MGAM: variants seen among roughly 807,000 people sequenced by gnomAD.
MGAM encodes the protein maltase-glucoamylase.
Under a neutral mutation model 358.8 loss-of-function variants are expected in MGAM, and 253 were observed. The ratio of observed to expected loss-of-function variants is 0.71; its 90% CI spans 0.64 to 0.78. The LOEUF is 0.78. MGAM is among the 30% of genes least tolerant of loss of function. The pLI is 0.00. For missense variants in MGAM, 3,080 were observed against 3,432.6 expected, an observed-to-expected ratio of 0.90 and a Z score of 2.57; for synonymous variants, 1,105 against 1,227.1, an observed-to-expected ratio of 0.90 and a Z score of 2.08.
rs1200526760 is a variant in MGAM at position 142,105,893 on chromosome 7, T to A, written c.*2T>A. 1.2e-5 allele frequency: 19 copies of A among 1,598,770 alleles called. No individual in the cohort carries two copies. The East Asian group carries it at 4.0e-4, about 34-fold the overall frequency. On this transcript the variant is annotated 3_prime_UTR_variant, in exon 71 of 71. Coordinates refer to ENST00000475668, the MANE Select transcript of MGAM (RefSeq NM_001365693.1). Reference sequence around the variant, plus strand: ...TTGACGTGGATAAGCACTCTGTGAATTTTTACAGCAAGATTCTAACTAACT... The same window carrying A: ...TTGACGTGGATAAGCACTCTGTGAAATTTTACAGCAAGATTCTAACTAACT...
At chr7:142,103,517 C>G in intron 70 of MGAM, 78 bp downstream of exon 70, 1 of 1,320,588 alleles carries the variant, frequency 7.6e-7, no homozygotes, top group Non-Finnish European at 1.0e-6. Flanking sequence ...GCTTCCCTTC[C>G]AAATGATGCC....
upstream of MGAM, among the ~76,000 whole-genome samples, chr7:141,991,728 C>A (rs1554447369): frequency 6.6e-6 from 1 of 152,184 alleles, no homozygotes; most frequent in East Asian, 1.9e-4. Flanking sequence ...AGCCACCACA[C>A]CTGGCCGAGA....
chr7:142,050,783 G>A lies in MGAM; in HGVS notation c.2724G>A (p.Glu908=), dbSNP rs1810872866. The part of the protein sequence containing the change: ...AFNEIKILGT[E]EPSNVTVKHN... ...ATGAGATTAAAATTCTTGGGACGGA[G>A]GAACCTAGCAATGTTACAGTGAAAC... The change falls in exon 24 of 71, where the codon GAG becomes GAA. Residue 908 remains glutamate (E), a synonymous_variant. Coordinates refer to ENST00000475668, the MANE Select transcript of MGAM (RefSeq NM_001365693.1). The A allele has an allele frequency of 6.2e-7, 1 of 1,613,718 alleles. No individual in the cohort carries two copies. The highest frequency in any genetic ancestry group is 1.3e-5 in the African/African-American group (1 of 74,902).
At chr7:142,041,915 A>T (rs1808662164) in intron 21 of MGAM, among the ~76,000 whole-genome samples, 1 of 23,574 alleles carries the variant, frequency 4.2e-5, no homozygotes, top group Non-Finnish European at 7.3e-5. Flanking sequence ...TTATATATAT[A>T]CGTATAATAT....
chr7:142,021,025 A>G lies in MGAM; in HGVS notation c.500A>G (p.Asn167Ser), dbSNP rs1474856078. ...NLPSSPVFGS[N>S]VDNVLLTAEY... ...CCTTCTTCACCAGTGTTTGGAAGCA[A>G]TGTTGACAATGTTCTTCTCACAGCA... is the stretch of plus-strand genomic sequence containing the variant. Residue 167 changes from asparagine to serine, a missense_variant, in exon 5 of 71, where the codon AAT becomes AGT. Transcript: ENST00000475668. The G allele has an allele frequency of 8.7e-6, 14 of 1,613,678 alleles. No individual in the cohort carries two copies. Among genetic ancestry groups the G allele is most frequent in the African/African-American group, 8.0e-5 (6 of 75,008 alleles).
chr7:142,088,820 A>G (rs1815061509), intron 57 of MGAM, among the ~76,000 whole-genome samples: 1 of 81,168 alleles, frequency 1.2e-5, no homozygotes, highest in Non-Finnish European at 2.7e-5. Context: ...CTATCTATGT[A>G]CCATCTATCT....
chr7:142,081,781 T>C (rs1585075059), intron 50 of MGAM, among the ~76,000 whole-genome samples: 1 of 145,208 alleles, frequency 6.9e-6, no homozygotes, highest in African/African-American at 2.4e-5. Context: ...TTCCCAGCTG[T>C]GATGGTGAGG....
At chr7:142,057,410 GTGA>G (rs761114433) in intron 30 of MGAM, among the ~76,000 whole-genome samples, 34 of 151,028 alleles carry the variant, frequency 2.3e-4, no homozygotes, top group South Asian at 6.3e-4. Flanking sequence ...GGTAGTGATG[GTGA>G]TGATGATGGT....
chr7:142,045,220 T>C (rs1299758951), intron 21 of MGAM, among the ~76,000 whole-genome samples: 24 of 47,790 alleles, frequency 5.0e-4, no homozygotes, highest in Non-Finnish European at 8.1e-4. Context: ...CATATATGTA[T>C]ATAATATATA....
chr7:142,031,986 T>C (rs1377123537), intron 13 of MGAM, among the ~76,000 whole-genome samples, 193 bp downstream of exon 13: 2 of 151,518 alleles, frequency 1.3e-5, no homozygotes, highest in Admixed American at 6.6e-5. Context: ...AAAATCAAAA[T>C]GTTAGAGCTG....
At chr7:142,056,743 G>A (rs1380758318) in intron 29 of MGAM, 87 bp from the exon 30 acceptor site, 3 of 1,276,314 alleles carry the variant, frequency 2.4e-6, no homozygotes, top group African/African-American at 1.5e-5. Context: ...TAGGGAGGGT[G>A]CAGGAAGATG....
At chr7:142,044,533 A>T (rs1306975277) in intron 21 of MGAM, among the ~76,000 whole-genome samples, 1 of 137,426 alleles carries the variant, frequency 7.3e-6, no homozygotes, top group East Asian at 2.1e-4. Flanking sequence ...TACACTTACG[A>T]TATATGATAT....
At chr7:142,024,970 C>A in intron 7 of MGAM, 80 bp from the exon 8 acceptor site, 1 of 963,612 alleles carries the variant, frequency 1.0e-6, no homozygotes, top group Non-Finnish European at 1.6e-6. Flanking sequence ...ATGATTAAGA[C>A]TGATTTCCTA....
In MGAM at chr7:142,030,653, T is replaced by G; in HGVS notation, c.1366T>G (p.Ser456Ala). Residue 456 changes from serine (S) to alanine (A), a missense_variant, in exon 12 of 71, where the codon TCC (serine) becomes GCC (alanine). Coordinates refer to ENST00000475668, the MANE Select transcript of MGAM (RefSeq NM_001365693.1). ...TTCCTATTTTTAGGATCCAGCCATC[T>G]CCAACAACTCTTCCTCAAGTAAACC... Reference protein sequence around the residue: ...KLVIIVDPAISNNSSSSKPYG... With the variant: ...KLVIIVDPAIANNSSSSKPYG... 2.5e-6 allele frequency: 4 copies of G among 1,612,354 alleles called. No individual in the cohort carries two copies. Among genetic ancestry groups the G allele is most frequent in the Non-Finnish European group, 3.4e-6 (4 of 1,178,446 alleles).
In MGAM at chr7:142,066,833, T is replaced by C. The variant is rs1294563666; in HGVS notation, c.4919+112T>C. The C allele has an allele frequency of 1.6e-6, 2 of 1,268,278 alleles. 1 individual carries two copies. The highest frequency in any genetic ancestry group is 2.2e-6 in the Non-Finnish European group (2 of 905,726). The allele number at this position is 1,268,278 out of a possible 1,614,324, so 78.6% of individuals were successfully genotyped here. ...TTAAAGACATGATGGCCTTTTGACA[T>C]GAGCTCTTCAGACACAAAGTATACC... is the stretch of plus-strand genomic sequence containing the variant. On this transcript the variant is annotated intron_variant, in intron 41 of 70. Coordinates refer to ENST00000475668, the MANE Select transcript of MGAM (RefSeq NM_001365693.1).
rs782680949 is a variant in MGAM, at chr7:142,034,785, G to A, written c.1903G>A (p.Asp635Asn). The A allele has an allele frequency of 3.1e-6, 5 of 1,613,502 alleles. No individual in the cohort carries two copies. The highest frequency in any genetic ancestry group is 4.2e-6 in the Non-Finnish European group (5 of 1,179,578). The change falls in exon 16 of 71, where the codon GAC becomes AAC. Residue 635 changes from aspartate to asparagine, a missense_variant. By Grantham distance (23) the Asp-to-Asn change is conservative. Transcript: ENST00000475668. ...AGGAGACAACACTGCCACCTGGGATGACCTGAGATGGTCCATCCCTGGCGT... is the reference window on the plus strand; with the variant it reads ...AGGAGACAACACTGCCACCTGGGATAACCTGAGATGGTCCATCCCTGGCGT... Reference protein sequence around the residue: ...WLGDNTATWDDLRWSIPGVLE... With the variant: ...WLGDNTATWDNLRWSIPGVLE...
intron 22 of MGAM, 49 bp downstream of exon 22, chr7:142,047,922 C>T: frequency 1.5e-6 from 2 of 1,371,964 alleles, no homozygotes; most frequent in Non-Finnish European, 2.1e-6. Context: ...GCACCTGTGA[C>T]TTATGGTCCT....
rs763044307 is a variant in MGAM, at chr7:142,092,582, C to T, written c.7007C>T (p.Ser2336Phe). The T allele has an allele frequency of 1.4e-5, 22 of 1,545,396 alleles. 3 individuals carry two copies. In the East Asian group the frequency reaches 4.1e-4, roughly 29 times the overall value. ...GAVSPGCRDA[S>F]LNHPPYMPYL... ...GTTTCTCCAGGCTGCAGGGATGCCTCTCTGAACCACCCTCCCTACATGCCG... is the reference window on the plus strand; with the variant it reads ...GTTTCTCCAGGCTGCAGGGATGCCTTTCTGAACCACCCTCCCTACATGCCG... Residue 2336 changes from serine to phenylalanine, a missense_variant, in exon 59 of 71, where the codon TCT becomes TTT. By Grantham distance (155) the Ser-to-Phe change is radical (BLOSUM62 -2). Coordinates refer to ENST00000475668, the MANE Select transcript of MGAM (RefSeq NM_001365693.1).
In MGAM at chr7:142,034,481, A is replaced by G. The variant is rs559358076; in HGVS notation, c.1787+102A>G. 1.5e-4 allele frequency: 155 copies of G among 1,056,546 alleles called. 4 individuals carry two copies. In the South Asian group the frequency reaches 2.5e-3, roughly 17 times the overall value. 65.4% of individuals were successfully genotyped at this position (1,056,546 alleles called of 1,614,324 possible). On this transcript the variant is annotated intron_variant, in intron 15 of 70. Coordinates refer to ENST00000475668, the MANE Select transcript of MGAM (RefSeq NM_001365693.1). ...TGGGGCTAATGCATAAAATTTCTTA[A>G]GACAAAACAAAGCAAAACAAAACAT...
Sources: gnomAD v4.1 joint callset for allele counts (sites outside exome capture counted in the v4.1 genomes callset) on GRCh38, gnomAD v4.1.1 for gene constraint, MANE v1.5 for transcripts, NCBI Gene and HGNC (gene_info 2026-07-23, HGNC 2026-07-21) for gene names.